Variants in HSD17B4 observed in about 807,000 individuals in gnomAD.
HSD17B4 encodes peroxisomal multifunctional enzyme type 2.
Under a neutral mutation model 101.0 loss-of-function variants are expected in HSD17B4, and 70 were observed. That is an observed-to-expected ratio of 0.69 (90% CI 0.57 to 0.85). HSD17B4 has a LOEUF of 0.85. HSD17B4 is among the 40% of genes least tolerant of loss of function. The pLI, the probability that HSD17B4 is intolerant of heterozygous loss-of-function variation, is 0.00. For missense variants in HSD17B4, 984 were observed against 892.4 expected (o/e 1.10, Z -1.31); for synonymous variants, 347 against 297.1 (o/e 1.17, Z -1.73).
chr5:119,488,394 G>A (rs961832764), intron 8 of HSD17B4, among the ~76,000 whole-genome samples: 1 of 152,130 alleles, frequency 6.6e-6, no homozygotes, highest in Non-Finnish European at 1.5e-5. Flanking sequence ...AGCTTAGATA[G>A]AAGGAATAAA....
At chr5:119,538,111 C>G (rs560796477) in intron 23 of HSD17B4, among the ~76,000 whole-genome samples, 1 of 152,286 alleles carries the variant, frequency 6.6e-6, no homozygotes, top group African/African-American at 2.4e-5. Flanking sequence ...TCTGGCATGT[C>G]AAACTTACTG....
intron 2 of HSD17B4, among the ~76,000 whole-genome samples, chr5:119,473,273 CTTTTTTTTTTTTTT>C (rs11408993): frequency 5.4e-5 from 2 of 36,964 alleles, no homozygotes; most frequent in Non-Finnish European, 9.3e-5. Context: ...GTGGATGAAT[CTTTTTTTTTTTTTT>C]TTTTTTTTTA....
At chr5:119,540,236 A>G (rs2126928648) in intron 23 of HSD17B4, among the ~76,000 whole-genome samples, 1 of 152,292 alleles carries the variant, frequency 6.6e-6, no homozygotes, top group East Asian at 1.9e-4. Context: ...GTAGTTCAAA[A>G]CAATTAGTTT....
chr5:119,533,988 T>C (rs1371315228), intron 22 of HSD17B4, among the ~76,000 whole-genome samples: 1 of 122,838 alleles, frequency 8.1e-6, no homozygotes, highest in Non-Finnish European at 1.9e-5. Context: ...AATAGAAATA[T>C]ATTGTTTGTA....
chr5:119,494,350 T>TTTCTTTCC (rs1750425499), intron 11 of HSD17B4, among the ~76,000 whole-genome samples: 1 of 147,558 alleles, frequency 6.8e-6, no homozygotes, highest in South Asian at 2.2e-4. Flanking sequence ...TCTTTCTTTC[T>TTTCTTTCC]TTCTTTCTTT....
At chr5:119,478,393 T>G (rs905747351) in intron 7 of HSD17B4, among the ~76,000 whole-genome samples, 1 of 152,186 alleles carries the variant, frequency 6.6e-6, no homozygotes, top group Non-Finnish European at 1.5e-5. Context: ...TAATATGATT[T>G]ATTTTACTTA....
intron 17 of HSD17B4, 24 bp from the exon 18 acceptor site, chr5:119,525,192 G>A: frequency 1.3e-6 from 2 of 1,561,510 alleles, no homozygotes; most frequent in African/African-American, 1.4e-5. Context: ...CTGAGTTCTA[G>A]TTATGTTTAT....
intron 8 of HSD17B4, among the ~76,000 whole-genome samples, chr5:119,482,377 A>G (rs1188495654): frequency 2.0e-5 from 3 of 152,034 alleles, no homozygotes; most frequent in African/African-American, 7.2e-5. Context: ...TTTTTCCATT[A>G]GAGCCCTAAG....
At chr5:119,490,026 C>A (rs558291240) in intron 9 of HSD17B4, among the ~76,000 whole-genome samples, 2 of 119,354 alleles carry the variant, frequency 1.7e-5, no homozygotes, top group African/African-American at 2.7e-5. Context: ...TATATTAGAC[C>A]CCCCCCCATT....
chr5:119,530,845 C>CAAAAAAAAAAAAAAAA (rs11423247), intron 21 of HSD17B4, among the ~76,000 whole-genome samples: 5 of 56,300 alleles, frequency 8.9e-5, no homozygotes, highest in South Asian at 7.8e-4. Flanking sequence ...AAGTCTGTCT[C>CAAAAAAAAAAAAAAAA]AAAAAAAAAA....
At chr5:119,486,812 T>C (rs952254748) in intron 8 of HSD17B4, among the ~76,000 whole-genome samples, 90 of 152,284 alleles carry the variant, frequency 5.9e-4, no homozygotes, top group African/African-American at 1.7e-3. Context: ...AGGGTACAAA[T>C]GCTAATCAAT....
At chr5:119,498,724 A>G (rs559704409) in intron 12 of HSD17B4, among the ~76,000 whole-genome samples, 70 of 152,292 alleles carry the variant, frequency 4.6e-4, no homozygotes, top group Middle Eastern at 3.4e-3. Flanking sequence ...GAAAATATAA[A>G]AAAAAATTAG....
intron 16 of HSD17B4, among the ~76,000 whole-genome samples, chr5:119,513,946 T>C (rs1180489277): frequency 1.3e-5 from 2 of 152,208 alleles, no homozygotes; most frequent in African/African-American, 2.4e-5. Context: ...TTGTTTATTT[T>C]TAATCAGGCA....
rs1229193970 is a variant in HSD17B4, at chr5:119,489,298, C to T, written c.714+15C>T. 1 of 1,546,038 alleles carries T rather than the reference C, an allele frequency of 6.5e-7. No homozygotes were observed. The highest frequency in any genetic ancestry group is 1.1e-5 in the South Asian group (1 of 89,680). ...GCTTGTTTGAGGTATTTGCACCTTC[C>T]TGTTTTCTCTTATTAGTTTTCTCCA... On this transcript the variant is annotated intron_variant, in intron 9 of 23. Transcript: ENST00000510025.
At chr5:119,530,224 T>G in intron 21 of HSD17B4, 7 of 452,518 alleles carry the variant, frequency 1.5e-5, no homozygotes, top group Non-Finnish European at 2.8e-5. Context: ...ATTTTCTAGT[T>G]TTAGAATAAA....
chr5:119,495,360 A>G (rs1386291836), intron 11 of HSD17B4, among the ~76,000 whole-genome samples: 1 of 152,198 alleles, frequency 6.6e-6, no homozygotes, highest in Non-Finnish European at 1.5e-5. Context: ...AGATACCTCT[A>G]TTTGAAGCAC....
intron 2 of HSD17B4, among the ~76,000 whole-genome samples, chr5:119,462,502 T>A (rs1387562777): frequency 6.6e-6 from 1 of 152,092 alleles, no homozygotes; most frequent in Non-Finnish European, 1.5e-5. Context: ...ATCTGGAGAT[T>A]AAATGCATCA....
At chr5:119,455,568 C>CTCTCTATATA (rs35030315) in intron 1 of HSD17B4, among the ~76,000 whole-genome samples, 22 of 136,484 alleles carry the variant, frequency 1.6e-4, no homozygotes, top group African/African-American at 5.8e-4. Context: ...CTCTCTCTCT[C>CTCTCTATATA]TATATATATA....
chr5:119,525,144 T>C, intron 17 of HSD17B4, 72 bp from the exon 18 acceptor site: 3 of 980,212 alleles, frequency 3.1e-6, no homozygotes, highest in Non-Finnish European at 4.9e-6. Flanking sequence ...TAACCAGCCA[T>C]GTTTCCTATT....
Sources: allele counts gnomAD v4.1 joint callset (sites outside exome capture counted in the v4.1 genomes callset), GRCh38; gene constraint gnomAD v4.1.1; transcripts MANE v1.5; gene names NCBI Gene and HGNC (gene_info 2026-07-23, HGNC 2026-07-21).